ATRNL1: variants seen among roughly 807,000 people sequenced by gnomAD.
The protein encoded by ATRNL1 is attractin-like protein 1.
In ATRNL1, 95 loss-of-function variants were observed where a neutral mutation model predicts 182.7. The observed-to-expected ratio is 0.52, with a 90% confidence interval of 0.44 to 0.62. ATRNL1 has a LOEUF of 0.62. Ranked by LOEUF, ATRNL1 falls within the 20% of genes least tolerant of loss-of-function variation. The pLI, the probability that ATRNL1 is intolerant of heterozygous loss-of-function variation, is 0.00. For missense variants in ATRNL1, 1,471 were observed against 1,679.5 expected, an observed-to-expected ratio of 0.88 and a Z score of 2.17; for synonymous variants, 576 against 568.3, an observed-to-expected ratio of 1.01 and a Z score of -0.19.
At chr10:115,396,368 T>C (rs2134286069) in intron 20 of ATRNL1, among the ~76,000 whole-genome samples, 1 of 152,080 alleles carries the variant, frequency 6.6e-6, no homozygotes, top group East Asian at 1.9e-4. Context: ...TAAGGCCAAC[T>C]TCATGGGCAC....
chr10:115,454,793 TTG>T (rs1554968363), intron 21 of ATRNL1, among the ~76,000 whole-genome samples: 1 of 152,048 alleles, frequency 6.6e-6, no homozygotes, highest in South Asian at 2.1e-4. Flanking sequence ...ATTTTTGTGT[TTG>T]TGTGTGTGTA....
At position 115,880,312 on chromosome 10, in the gene ATRNL1, G is replaced by T. The variant is rs1382521320; in HGVS notation, c.4018+32321G>T. ...AAAAGTGAAGGAATCCCAGGCTTCG[G>T]CTAGAGAAGACCTGTGATAAATAGA... is the stretch of plus-strand genomic sequence containing the variant. On this transcript the variant is annotated intron_variant, in intron 28 of 28. Coordinates refer to ENST00000355044, the MANE Select transcript of ATRNL1 (RefSeq NM_207303.4). Among the ~76,000 whole-genome samples, 3 of 152,178 alleles carry T rather than the reference G, an allele frequency of 2.0e-5. No homozygotes were observed. In the East Asian group the frequency reaches 5.8e-4, roughly 29 times the overall value.
intron 20 of ATRNL1, among the ~76,000 whole-genome samples, chr10:115,397,935 A>G (rs1844368066): frequency 6.6e-6 from 1 of 151,966 alleles, no homozygotes; most frequent in South Asian, 2.1e-4. Flanking sequence ...CTGCAGAGAG[A>G]TGAGACATGA....
intron 8 of ATRNL1, among the ~76,000 whole-genome samples, chr10:115,186,962 A>G (rs1847966024): frequency 1.3e-5 from 2 of 151,784 alleles, no homozygotes; most frequent in African/African-American, 4.9e-5. Context: ...TTAAAAATAA[A>G]AAAATTTATA....
At chr10:115,883,040 A>C (rs1403054040) in intron 28 of ATRNL1, among the ~76,000 whole-genome samples, 2 of 152,196 alleles carry the variant, frequency 1.3e-5, no homozygotes, top group Non-Finnish European at 2.9e-5. Flanking sequence ...AGATGCCAGT[A>C]GCTATCCAAG....
At chr10:115,098,459 T>C (rs2085073045) in intron 1 of ATRNL1, among the ~76,000 whole-genome samples, 12 of 71,608 alleles carry the variant, frequency 1.7e-4, no homozygotes, top group Admixed American at 4.6e-4. Context: ...GTTTCTTTTT[T>C]TTTTTTTTTT....
chr10:115,226,431 A>G (rs1849699881), intron 9 of ATRNL1, among the ~76,000 whole-genome samples: 1 of 152,066 alleles, frequency 6.6e-6, no homozygotes, highest in African/African-American at 2.4e-5. Context: ...CTAAAAAGTC[A>G]GTAAGAACAC....
intron 3 of ATRNL1, among the ~76,000 whole-genome samples, chr10:115,123,970 C>G (rs1370368804): frequency 1.3e-5 from 2 of 151,882 alleles, no homozygotes; most frequent in African/African-American, 4.8e-5. Flanking sequence ...TGCAGGAAAT[C>G]AAGTTCAGGG....
intron 9 of ATRNL1, among the ~76,000 whole-genome samples, chr10:115,221,793 C>T (rs904370546): frequency 6.6e-6 from 1 of 152,044 alleles, no homozygotes; most frequent in African/African-American, 2.4e-5. Flanking sequence ...TGATAATTAG[C>T]CCACCTTTGA....
At chr10:115,506,710 G>A (rs975167801) in intron 24 of ATRNL1, among the ~76,000 whole-genome samples, 2 of 151,982 alleles carry the variant, frequency 1.3e-5, no homozygotes, top group African/African-American at 2.4e-5. Context: ...CCAAATTTTG[G>A]GAGATCAGGG....
At chr10:115,882,851 G>A (rs1285917669) in intron 28 of ATRNL1, among the ~76,000 whole-genome samples, 1 of 152,200 alleles carries the variant, frequency 6.6e-6, no homozygotes, top group Non-Finnish European at 1.5e-5. Context: ...CATATAGCAA[G>A]CTTTTAGTGC....
chr10:115,658,483 A>G (rs549278559), intron 26 of ATRNL1, among the ~76,000 whole-genome samples: 9 of 152,262 alleles, frequency 5.9e-5, no homozygotes, highest in African/African-American at 1.9e-4. Flanking sequence ...TCTGTGGATA[A>G]TTATGAGTCT....
intron 27 of ATRNL1, among the ~76,000 whole-genome samples, chr10:115,800,734 A>G (rs1016603028): frequency 6.6e-6 from 1 of 152,182 alleles, no homozygotes; most frequent in African/African-American, 2.4e-5. Context: ...TGAGGTCATG[A>G]GGGTGAGTTT....
intron 26 of ATRNL1, among the ~76,000 whole-genome samples, chr10:115,667,339 G>A (rs1488225178): frequency 1.3e-5 from 2 of 152,114 alleles, no homozygotes; most frequent in Non-Finnish European, 2.9e-5. Flanking sequence ...CAACAATAAT[G>A]TATTCATTCT....
chr10:115,427,538 G>A (rs1554963170), intron 21 of ATRNL1, among the ~76,000 whole-genome samples: 1 of 152,042 alleles, frequency 6.6e-6, no homozygotes, highest in African/African-American at 2.4e-5. Context: ...CCAGGTTTTG[G>A]TAGAAATATT....
chr10:115,770,793 A>T (rs1321304880), intron 27 of ATRNL1, among the ~76,000 whole-genome samples: 1 of 152,156 alleles, frequency 6.6e-6, no homozygotes, highest in Non-Finnish European at 1.5e-5. Flanking sequence ...CAGTAAAAAG[A>T]CTTTGTAATT....
intron 19 of ATRNL1, among the ~76,000 whole-genome samples, chr10:115,363,662 T>C (rs1178161922): frequency 6.6e-6 from 1 of 152,144 alleles, no homozygotes; most frequent in Non-Finnish European, 1.5e-5. Context: ...GTCTAACGTT[T>C]AAGTCTTTAG....
At chr10:115,217,455 T>TA (rs560901369) in intron 9 of ATRNL1, among the ~76,000 whole-genome samples, 33 of 152,164 alleles carry the variant, frequency 2.2e-4, no homozygotes, top group Non-Finnish European at 4.0e-4. Flanking sequence ...AAGGAGGCAG[T>TA]ATAGTTCACA....
intron 24 of ATRNL1, among the ~76,000 whole-genome samples, chr10:115,505,141 T>C (rs192536632): frequency 6.6e-6 from 1 of 152,156 alleles, no homozygotes; most frequent in Admixed American, 6.6e-5. Context: ...ATTATAGAAA[T>C]CTGTCATAGA....
Sources: allele counts gnomAD v4.1 joint callset (sites outside exome capture counted in the v4.1 genomes callset), GRCh38; gene constraint gnomAD v4.1.1; transcripts MANE v1.5; gene names NCBI Gene and HGNC (gene_info 2026-07-23, HGNC 2026-07-21).